Variants in ZNF385B observed in about 807,000 individuals in gnomAD.
The protein encoded by ZNF385B is zinc finger protein 385B.
Under a neutral mutation model 39.2 loss-of-function variants are expected in ZNF385B, and 23 were observed. That is an observed-to-expected ratio of 0.59 (90% CI 0.42 to 0.83). The LOEUF is 0.83. Among genes scored for constraint, ZNF385B ranks in the 40% least tolerant of loss-of-function variants. ZNF385B has a pLI of 0.00. For missense variants in ZNF385B, 552 were observed against 598.9 expected, an observed-to-expected ratio of 0.92 and a Z score of 0.82; for synonymous variants, 205 against 222.6, an observed-to-expected ratio of 0.92 and a Z score of 0.70.
At chr2:179,727,010 C>T (rs1184758585) in intron 3 of ZNF385B, among the ~76,000 whole-genome samples, 1 of 151,956 alleles carries the variant, frequency 6.6e-6, no homozygotes, top group East Asian at 1.9e-4. Flanking sequence ...ATGAGTATAT[C>T]ACATTGTCTT....
chr2:179,629,465 G>C (rs887020725), intron 3 of ZNF385B, among the ~76,000 whole-genome samples: 1 of 102,984 alleles, frequency 9.7e-6, no homozygotes, highest in Non-Finnish European at 2.6e-5. Flanking sequence ...TATATGAATA[G>C]AGCATTGGGC....
intron 3 of ZNF385B, among the ~76,000 whole-genome samples, chr2:179,590,888 A>G (rs780971315): frequency 8.5e-5 from 13 of 152,180 alleles, no homozygotes; most frequent in Non-Finnish European, 1.8e-4. Context: ...AACTGAGTCA[A>G]TTAAAACTCT....
chr2:179,765,112 T>C (rs1703613128), intron 3 of ZNF385B, among the ~76,000 whole-genome samples: 1 of 152,216 alleles, frequency 6.6e-6, no homozygotes. Context: ...TGTGAGCTAA[T>C]TCCTTTCTCC....
At chr2:179,677,397 A>T (rs1696982698) in intron 3 of ZNF385B, among the ~76,000 whole-genome samples, 1 of 152,218 alleles carries the variant, frequency 6.6e-6, no homozygotes, top group Non-Finnish European at 1.5e-5. Context: ...ACAGGAAGTG[A>T]AGTTAAAAGA....
intron 5 of ZNF385B, among the ~76,000 whole-genome samples, chr2:179,504,888 A>C (rs144751785): frequency 0.025 from 3,851 of 152,066 alleles, 184 homozygotes; most frequent in African/African-American, 0.088. Context: ...ATGGTGCTAA[A>C]CCATTCATGA....
chr2:179,834,905 G>A (rs879650153), intron 1 of ZNF385B, among the ~76,000 whole-genome samples: 5 of 152,124 alleles, frequency 3.3e-5, no homozygotes, highest in Non-Finnish European at 4.4e-5. Context: ...ATCTACTCAG[G>A]AGGAAACTTC....
intron 3 of ZNF385B, among the ~76,000 whole-genome samples, chr2:179,628,048 C>T (rs1194006320): frequency 6.6e-6 from 1 of 152,030 alleles, no homozygotes; most frequent in African/African-American, 2.4e-5. Flanking sequence ...TTTTCCTTCT[C>T]CCCAGCTGGA....
At chr2:179,647,619 C>T (rs901559176) in intron 3 of ZNF385B, among the ~76,000 whole-genome samples, 8 of 152,078 alleles carry the variant, frequency 5.3e-5, no homozygotes, top group African/African-American at 9.7e-5. Context: ...CTAGGAGTTC[C>T]CAGGGATAGG....
In ZNF385B at chr2:179,444,971, A is replaced by T; in HGVS notation, c.1147T>A (p.Ser383Thr). The T allele has an allele frequency of 6.2e-7, 1 of 1,614,088 alleles. No homozygotes were observed. The highest frequency in any genetic ancestry group is 8.5e-7 in the Non-Finnish European group (1 of 1,179,942). Residue 383 changes from serine to threonine, a missense_variant, in exon 9 of 10, where the codon TCT becomes ACT. Coordinates refer to ENST00000410066, the MANE Select transcript of ZNF385B (RefSeq NM_152520.6). ...NSEIQLKQHISSRRHKDRVAG... is the reference protein window; with the variant it reads ...NSEIQLKQHITSRRHKDRVAG... ...ACTCGATCTTTATGCCTTCGGCTAG[A>T]AATGTGCTGAAAAAGTTTGATGCAT...
chr2:179,816,840 T>C (rs1417310597), intron 1 of ZNF385B, among the ~76,000 whole-genome samples: 1 of 152,196 alleles, frequency 6.6e-6, no homozygotes, highest in African/African-American at 2.4e-5. Context: ...TCTCATCTCA[T>C]TTTACTTTTC....
chr2:179,594,092 G>A (rs1687798006), intron 3 of ZNF385B, among the ~76,000 whole-genome samples: 2 of 152,074 alleles, frequency 1.3e-5, no homozygotes. Context: ...AGTTACTAAG[G>A]GAAGGCAAAA....
At chr2:179,723,782 GT>G (rs1377547191) in intron 3 of ZNF385B, among the ~76,000 whole-genome samples, 1 of 151,986 alleles carries the variant, frequency 6.6e-6, no homozygotes, top group Non-Finnish European at 1.5e-5. Context: ...AGCTACGTAA[GT>G]TTTTATATAC....
chr2:179,791,820 G>A (rs746858366), intron 1 of ZNF385B, among the ~76,000 whole-genome samples: 25 of 152,178 alleles, frequency 1.6e-4, no homozygotes, highest in Non-Finnish European at 2.6e-4. Context: ...GCAATGGCAC[G>A]ATTTTGGCTC....
chr2:179,496,934 AGC>A (rs1559344985), intron 5 of ZNF385B, among the ~76,000 whole-genome samples: 8 of 152,210 alleles, frequency 5.3e-5, no homozygotes, highest in African/African-American at 1.9e-4. Context: ...CTGTAATCCC[AGC>A]TACTTGAGAG....
At chr2:179,591,445 C>A (rs1241932789) in intron 3 of ZNF385B, among the ~76,000 whole-genome samples, 1 of 152,090 alleles carries the variant, frequency 6.6e-6, no homozygotes, top group East Asian at 1.9e-4. Flanking sequence ...TTACAGAACC[C>A]AGTGGGAGGA....
chr2:179,757,473 C>G (rs1703113229), intron 3 of ZNF385B, among the ~76,000 whole-genome samples: 1 of 152,174 alleles, frequency 6.6e-6, no homozygotes, highest in Non-Finnish European at 1.5e-5. Flanking sequence ...GGGAGAACCA[C>G]TAGTCTCTTC....
Position 179,509,740 on chromosome 2 carries a change from A to T in ZNF385B, c.552+8788T>A, listed in dbSNP as rs2057523460. ...TATTTTCAGTATTATATTTCTTGACAGAATCAGTTGGTTTTTTCAAACTTA... is the reference window on the plus strand; with the variant it reads ...TATTTTCAGTATTATATTTCTTGACTGAATCAGTTGGTTTTTTCAAACTTA... On this transcript the variant is annotated intron_variant, in intron 5 of 9. Transcript: ENST00000410066. 3.9e-5 allele frequency among the ~76,000 whole-genome samples: 6 copies of T among 152,330 alleles called. No individual in the cohort carries two copies. The South Asian group carries it at 1.2e-3, about 32-fold the overall frequency.
intron 6 of ZNF385B, among the ~76,000 whole-genome samples, chr2:179,455,262 A>G (rs1468758367): frequency 6.6e-6 from 1 of 152,016 alleles, no homozygotes; most frequent in Non-Finnish European, 1.5e-5. Flanking sequence ...TAGGAGCTAA[A>G]TAGTTCATAT....
At chr2:179,672,536 T>G (rs1428326103) in intron 3 of ZNF385B, among the ~76,000 whole-genome samples, 4 of 152,156 alleles carry the variant, frequency 2.6e-5, no homozygotes, top group Non-Finnish European at 2.9e-5. Context: ...ATGGTCTGAA[T>G]GTTTGTGTCC....
Sources: allele counts gnomAD v4.1 joint callset (sites outside exome capture counted in the v4.1 genomes callset), GRCh38; gene constraint gnomAD v4.1.1; transcripts MANE v1.5; gene names NCBI Gene and HGNC (gene_info 2026-07-23, HGNC 2026-07-21).